RBFOX1: variants seen among roughly 807,000 people sequenced by gnomAD.
RBFOX1 encodes the protein RNA binding protein fox-1 homolog 1.
A neutral mutation model predicts 57.7 loss-of-function variants in RBFOX1; 8 were observed. The observed-to-expected ratio is 0.14, with a 90% confidence interval of 0.08 to 0.25. The LOEUF (loss-of-function observed/expected upper bound fraction) is 0.25. RBFOX1 is among the 10% of genes least tolerant of loss of function. The pLI is 1.00. For synonymous variants in RBFOX1, 326 were observed against 222.4 expected (o/e 1.47, Z -4.15); for missense variants, 611 against 548.5 (o/e 1.11, Z -1.14).
At chr16:6,582,727 G>A (rs1185883921) in intron 2 of RBFOX1, among the ~76,000 whole-genome samples, 1 of 149,522 alleles carries the variant, frequency 6.7e-6, no homozygotes, top group South Asian at 2.1e-4. Context: ...TTCCTCTCCT[G>A]ACCGCTCCTT....
intron 4 of RBFOX1, among the ~76,000 whole-genome samples, chr16:7,350,988 A>G (rs759598145): frequency 1.3e-5 from 2 of 152,346 alleles, no homozygotes; most frequent in African/African-American, 2.4e-5. Context: ...GTCTGGCTCT[A>G]TCAAAGCTGT....
exon 1 of RBFOX1, chr16:5,239,909 C>G: frequency 3.3e-6 from 5 of 1,503,682 alleles, no homozygotes; most frequent in Non-Finnish European, 4.5e-6. Flanking sequence ...TCCGGCAGCT[C>G]CGAAGCCACT....
chr16:7,580,832 T>A (rs2093703000), intron 6 of RBFOX1, among the ~76,000 whole-genome samples: 1 of 152,200 alleles, frequency 6.6e-6, no homozygotes, highest in African/African-American at 2.4e-5. Flanking sequence ...ATCCCAGCAA[T>A]GATAGCAGGT....
chr16:5,341,952 G>C (rs1194185696), intron 1 of RBFOX1, among the ~76,000 whole-genome samples: 2 of 152,178 alleles, frequency 1.3e-5, no homozygotes, highest in African/African-American at 2.4e-5. Flanking sequence ...TTCTGAAAGA[G>C]GTGAGATTTG....
At chr16:5,345,317 C>T (rs1420913684) in intron 1 of RBFOX1, among the ~76,000 whole-genome samples, 1 of 152,190 alleles carries the variant, frequency 6.6e-6, no homozygotes, top group Non-Finnish European at 1.5e-5. Context: ...GGTGCCATGC[C>T]CTTACCCTTT....
At chr16:5,712,451 C>A (rs915421475) in intron 3 of RBFOX1, among the ~76,000 whole-genome samples, 1 of 152,280 alleles carries the variant, frequency 6.6e-6, no homozygotes, top group Admixed American at 6.5e-5. Context: ...AGATCTGATT[C>A]CAAAGGTTTG....
chr16:6,582,811 C>T (rs940068121), intron 2 of RBFOX1, among the ~76,000 whole-genome samples: 1 of 147,026 alleles, frequency 6.8e-6, no homozygotes, highest in African/African-American at 2.5e-5. Flanking sequence ...GCTTCCCCTC[C>T]CCTCCTCACC....
At chr16:7,512,289 G>A (rs572484390) in intron 4 of RBFOX1, among the ~76,000 whole-genome samples, 2 of 152,166 alleles carry the variant, frequency 1.3e-5, no homozygotes, top group African/African-American at 2.4e-5. Context: ...GAGTGGAAAA[G>A]GTGCCCTTAA....
chr16:5,290,445 T>C (rs553154670), intron 1 of RBFOX1, among the ~76,000 whole-genome samples: 3 of 152,092 alleles, frequency 2.0e-5, no homozygotes, highest in Admixed American at 2.0e-4. Flanking sequence ...GTGATGAAAA[T>C]GTTTTAAAAT....
chr16:7,032,155 T>A (rs2042963685), intron 3 of RBFOX1, among the ~76,000 whole-genome samples: 1 of 152,112 alleles, frequency 6.6e-6, no homozygotes, highest in South Asian at 2.1e-4. Context: ...CGGGGTGCGG[T>A]GGCCCACACC....
chr16:5,483,264 A>G (rs1472623767), intron 2 of RBFOX1, among the ~76,000 whole-genome samples: 1 of 152,204 alleles, frequency 6.6e-6, no homozygotes, highest in Admixed American at 6.5e-5. Context: ...CAAGGATGGC[A>G]GACATGTGGC....
chr16:6,783,931 T>A (rs1239773086), intron 3 of RBFOX1, among the ~76,000 whole-genome samples: 1 of 152,174 alleles, frequency 6.6e-6, no homozygotes, highest in African/African-American at 2.4e-5. Context: ...GCTTTGAAAG[T>A]CTTTTTGTTC....
chr16:7,491,261 T>C (rs1212260074), intron 4 of RBFOX1, among the ~76,000 whole-genome samples: 1 of 152,044 alleles, frequency 6.6e-6, no homozygotes, highest in Non-Finnish European at 1.5e-5. Flanking sequence ...ACACTCCTTA[T>C]CTGCGACTTT....
intron 3 of RBFOX1, among the ~76,000 whole-genome samples, chr16:5,769,979 C>G (rs531923453): frequency 8.5e-5 from 13 of 152,126 alleles, no homozygotes; most frequent in Non-Finnish European, 1.8e-4. Flanking sequence ...ACTTGTACTC[C>G]TCTGGCTAAG....
At chr16:7,501,952 A>G (rs909982285) in intron 4 of RBFOX1, among the ~76,000 whole-genome samples, 1 of 152,150 alleles carries the variant, frequency 6.6e-6, no homozygotes, top group African/African-American at 2.4e-5. Flanking sequence ...CTGACATCCA[A>G]CAGATACTCA....
chr16:6,559,902 C>G (rs538153319), intron 2 of RBFOX1, among the ~76,000 whole-genome samples: 3 of 152,076 alleles, frequency 2.0e-5, no homozygotes, highest in Non-Finnish European at 4.4e-5. Context: ...CTGGTTCCTT[C>G]CCTGAGTTCT....
intron 4 of RBFOX1, among the ~76,000 whole-genome samples, chr16:7,235,779 G>T (rs1485953080): frequency 6.6e-6 from 1 of 152,178 alleles, no homozygotes; most frequent in Non-Finnish European, 1.5e-5. Flanking sequence ...TTAAAGCTAA[G>T]TAATATCCTG....
chr16:6,304,046 A>T (rs898999429), intron 1 of RBFOX1, among the ~76,000 whole-genome samples: 1 of 149,854 alleles, frequency 6.7e-6, no homozygotes, highest in Non-Finnish European at 1.5e-5. Context: ...TCCTGACCTC[A>T]TGATCTGCCT....
At chr16:6,857,775 A>T (rs1355706583) in intron 3 of RBFOX1, among the ~76,000 whole-genome samples, 1 of 152,178 alleles carries the variant, frequency 6.6e-6, no homozygotes, top group Non-Finnish European at 1.5e-5. Context: ...TTGTTCTGTC[A>T]GCACTTTCTT....
Sources: allele counts gnomAD v4.1 joint callset (sites outside exome capture counted in the v4.1 genomes callset), GRCh38; gene constraint gnomAD v4.1.1; transcripts MANE v1.5; gene names NCBI Gene and HGNC (gene_info 2026-07-23, HGNC 2026-07-21).